GSK3B: variants seen among roughly 807,000 people sequenced by gnomAD.
GSK3B encodes glycogen synthase kinase 3 beta.
In GSK3B, 15 loss-of-function variants were observed where a neutral mutation model predicts 56.4. That is an observed-to-expected ratio of 0.27 (90% CI 0.18 to 0.41). The LOEUF is 0.41. Among genes scored for constraint, GSK3B ranks in the 10% least tolerant of loss-of-function variants. GSK3B has a pLI of 1.00. For missense variants in GSK3B, 300 were observed against 513.4 expected (o/e 0.58, Z 4.02); for synonymous variants, 181 against 188.9 (o/e 0.96, Z 0.34).
chr3:119,923,889 C>A (rs2056866996), intron 3 of GSK3B, among the ~76,000 whole-genome samples: 1 of 152,132 alleles, frequency 6.6e-6, no homozygotes, highest in African/African-American at 2.4e-5. Context: ...ACATGGATTT[C>A]TAGCCCTAGC....
At chr3:120,032,342 G>C (rs1045268251) in intron 1 of GSK3B, among the ~76,000 whole-genome samples, 5 of 152,042 alleles carry the variant, frequency 3.3e-5, no homozygotes, top group Admixed American at 6.5e-5. Context: ...AAGGGTAGTG[G>C]CAGGCACCTG....
chr3:120,088,288 TA>T (rs201496619), intron 1 of GSK3B, among the ~76,000 whole-genome samples: 5,219 of 124,002 alleles, frequency 0.042, 323 homozygotes, highest in African/African-American at 0.16. Flanking sequence ...ATGTACTGAG[TA>T]TTAGCTCATT....
At chr3:119,844,149 G>T (rs995913165) in intron 9 of GSK3B, among the ~76,000 whole-genome samples, 12 of 152,102 alleles carry the variant, frequency 7.9e-5, no homozygotes, top group African/African-American at 1.2e-4. Flanking sequence ...CAACATACCA[G>T]AATCTCTGGG....
chr3:119,992,761 A>C (rs1161913441), intron 2 of GSK3B, among the ~76,000 whole-genome samples: 1 of 152,120 alleles, frequency 6.6e-6, no homozygotes, highest in Non-Finnish European at 1.5e-5. Flanking sequence ...TTTAAAATGG[A>C]CCAAAAAAAG....
chr3:119,930,344 C>T (rs1019758991), intron 3 of GSK3B, among the ~76,000 whole-genome samples: 5 of 151,748 alleles, frequency 3.3e-5, no homozygotes, highest in African/African-American at 1.2e-4. Flanking sequence ...TTGTGTAACG[C>T]AATAAGGGGC....
intron 2 of GSK3B, among the ~76,000 whole-genome samples, chr3:119,966,621 G>GT (rs2057320975): frequency 1.3e-5 from 2 of 152,096 alleles, no homozygotes. Flanking sequence ...CTGGCTGGGG[G>GT]TTAACAACAA....
At chr3:120,058,430 G>A (rs926396328) in intron 1 of GSK3B, among the ~76,000 whole-genome samples, 38 of 152,236 alleles carry the variant, frequency 2.5e-4, no homozygotes, top group Non-Finnish European at 1.2e-4. Flanking sequence ...GGGCTCAACA[G>A]CCACATGTCA....
intron 2 of GSK3B, among the ~76,000 whole-genome samples, chr3:119,976,699 A>C (rs1476481538): frequency 6.6e-6 from 1 of 151,664 alleles, no homozygotes; most frequent in Non-Finnish European, 1.5e-5. Context: ...GTAAATATAC[A>C]TCACATTAAT....
chr3:119,895,855 G>A (rs2056557404), intron 7 of GSK3B, among the ~76,000 whole-genome samples: 1 of 152,098 alleles, frequency 6.6e-6, no homozygotes, highest in Non-Finnish European at 1.5e-5. Context: ...TGGGCGTGGT[G>A]GATCATGCCT....
rs1553726307 is a variant in GSK3B at position 119,869,237 on chromosome 3, A to AAAAC, written c.910-5633_910-5632insGTTT. Among the ~76,000 whole-genome samples the AAAAC allele has an allele frequency of 1.7e-3, 238 of 142,078 alleles. 6 individuals are homozygous for AAAAC. Among genetic ancestry groups the AAAAC allele is most frequent in the African/African-American group, 6.9e-3 (228 of 32,960 alleles). 93.2% of individuals were successfully genotyped at this position (142,078 alleles called of 152,430 possible). ...AGATTCCATCTCAAAAAAAAAAAAA[A>AAAAC]AAAAAAAAACATATATTCTTTGGCA... On this transcript the variant is annotated intron_variant, in intron 8 of 10. Coordinates refer to ENST00000264235, the MANE Select transcript of GSK3B (RefSeq NM_001146156.2).
chr3:119,882,105 T>C (rs1360568940), intron 7 of GSK3B, among the ~76,000 whole-genome samples: 2 of 152,096 alleles, frequency 1.3e-5, no homozygotes, highest in African/African-American at 4.8e-5. Context: ...AGTTACAATG[T>C]ATAATGTAAA....
intron 2 of GSK3B, among the ~76,000 whole-genome samples, chr3:119,967,834 T>TC (rs2057332683): frequency 1.3e-4 from 16 of 119,012 alleles, no homozygotes; most frequent in Non-Finnish European, 2.2e-4. Context: ...CTCTTTCTCT[T>TC]TCTCTCTCTC....
chr3:120,029,809 T>A (rs1187228032), intron 1 of GSK3B: 1 of 553,104 alleles, frequency 1.8e-6, no homozygotes, highest in Non-Finnish European at 3.7e-6. Flanking sequence ...GAGCTTCTAG[T>A]GAAAATCTGG....
intron 10 of GSK3B, among the ~76,000 whole-genome samples, chr3:119,841,417 T>C (rs1055984557): frequency 2.0e-5 from 3 of 152,310 alleles, no homozygotes; most frequent in South Asian, 2.1e-4. Context: ...AGTAAAACTG[T>C]AGAAATGAGC....
chr3:119,857,126 T>C (rs1420031128), intron 9 of GSK3B, among the ~76,000 whole-genome samples: 1 of 152,198 alleles, frequency 6.6e-6, no homozygotes, highest in East Asian at 1.9e-4. Context: ...GAGTCATCTT[T>C]TGTGGGTGGA....
rs571128984 is a variant in GSK3B at position 119,842,879 on chromosome 3, T to C, written c.1195+376A>G. Among the ~76,000 whole-genome samples, 21 of 152,338 alleles carry C rather than the reference T, an allele frequency of 1.4e-4. No individual in the cohort carries two copies. The South Asian group carries it at 3.9e-3, about 29-fold the overall frequency. ...AAAAGATATTAAATGTTCATACTCATCAAATGAAATGAAAGGTAATCATAT... is the reference window on the plus strand; with the variant it reads ...AAAAGATATTAAATGTTCATACTCACCAAATGAAATGAAAGGTAATCATAT... On this transcript the variant is annotated intron_variant, in intron 10 of 10. Coordinates refer to ENST00000264235, the MANE Select transcript of GSK3B (RefSeq NM_001146156.2).
intron 3 of GSK3B, among the ~76,000 whole-genome samples, chr3:119,930,080 T>TACACAC (rs71619762): frequency 0.045 from 6,057 of 133,512 alleles, 236 homozygotes; most frequent in East Asian, 0.12. Context: ...TTCTGTCTCC[T>TACACAC]ACACACACAC....
intron 1 of GSK3B, among the ~76,000 whole-genome samples, chr3:120,091,510 T>C (rs1294957839): frequency 1.3e-5 from 2 of 152,082 alleles, no homozygotes; most frequent in East Asian, 3.9e-4. Context: ...AAATGAAAAG[T>C]CCCAAAATGT....
At chr3:119,987,303 G>A (rs1461344144) in intron 2 of GSK3B, among the ~76,000 whole-genome samples, 1 of 152,118 alleles carries the variant, frequency 6.6e-6, no homozygotes, top group Admixed American at 6.5e-5. Context: ...TTGTGCACAT[G>A]TACCCTAGAA....
Sources: allele counts gnomAD v4.1 joint callset (sites outside exome capture counted in the v4.1 genomes callset), GRCh38; gene constraint gnomAD v4.1.1; transcripts MANE v1.5; gene names NCBI Gene and HGNC (gene_info 2026-07-23, HGNC 2026-07-21).